EXOC4: variants seen among roughly 807,000 people sequenced by gnomAD.
EXOC4 encodes the protein SEC8-like 1.
Under a neutral mutation model 107.2 loss-of-function variants are expected in EXOC4, and 71 were observed. That is an observed-to-expected ratio of 0.66 (90% CI 0.55 to 0.81). The LOEUF is 0.81. EXOC4 is among the 30% of genes least tolerant of loss of function. EXOC4 has a pLI of 0.00. For synonymous variants in EXOC4, 456 were observed against 441.2 expected (o/e 1.03, Z -0.42); for missense variants, 1,108 against 1,189.6 (o/e 0.93, Z 1.01).
In EXOC4 at chr7:133,857,147, CGTAT is replaced by C. The variant is rs1396446949; in HGVS notation, c.1735-38451_1735-38448del. On this transcript the variant is annotated intron_variant, in intron 11 of 17. Coordinates refer to ENST00000253861, the MANE Select transcript of EXOC4 (RefSeq NM_021807.4). ...ATATGTATATATATATACACATACA[CGTAT>C]ATATATATATATATATATATATATA... Among the ~76,000 whole-genome samples, 46 of 19,104 alleles carry C rather than the reference CGTAT, an allele frequency of 2.4e-3. 4 individuals carry two copies. Among genetic ancestry groups the C allele is most frequent in the South Asian group, 5.0e-3 (3 of 602 alleles). The allele number at this position is 19,104 out of a possible 152,430, so 12.5% of individuals were successfully genotyped here. A position where few individuals can be genotyped will look rare whatever the true frequency, so the allele number is the denominator to read the frequency against.
At chr7:133,444,887 C>G (rs1316798364) in intron 7 of EXOC4, among the ~76,000 whole-genome samples, 2 of 152,160 alleles carry the variant, frequency 1.3e-5, no homozygotes, top group African/African-American at 4.8e-5. Flanking sequence ...TTTAAAGTCA[C>G]AGGACTGGAT....
At chr7:133,279,692 AT>A (rs1306170210) in intron 2 of EXOC4, among the ~76,000 whole-genome samples, 1 of 151,812 alleles carries the variant, frequency 6.6e-6, no homozygotes, top group South Asian at 2.1e-4. Context: ...CTAATATTTG[AT>A]TTTTTTGCAG....
intron 13 of EXOC4, among the ~76,000 whole-genome samples, chr7:133,926,661 T>A (rs1335380418): frequency 6.6e-6 from 1 of 152,120 alleles, no homozygotes; most frequent in African/African-American, 2.4e-5. Context: ...ATAATAATCG[T>A]TGTTGAAGAT....
chr7:133,475,441 G>A lies in EXOC4; in HGVS notation c.1296G>A (p.Lys432=). 6.2e-7 allele frequency: 1 copy of A among 1,613,978 alleles called. No homozygotes were observed. Among genetic ancestry groups the A allele is most frequent in the Non-Finnish European group, 8.5e-7 (1 of 1,179,950 alleles). Reference sequence around the variant, plus strand: ...AGTTTGCAGCCTTTTTTGCCAAGAAGAAACCTCAAAGGCCAAAAAATTCTC... The same window carrying A: ...AGTTTGCAGCCTTTTTTGCCAAGAAAAAACCTCAAAGGCCAAAAAATTCTC... The part of the protein sequence containing the change: ...GREFAAFFAK[K]KPQRPKNSLF... The change falls in exon 8 of 18, where the codon AAG becomes AAA. Residue 432 remains lysine, a synonymous_variant. Transcript: ENST00000253861.
intron 6 of EXOC4, among the ~76,000 whole-genome samples, chr7:133,357,188 T>A (rs1296433216): frequency 6.6e-6 from 1 of 152,236 alleles, no homozygotes; most frequent in Non-Finnish European, 1.5e-5. Context: ...GCAGCTATTG[T>A]ACACATACTA....
intron 1 of EXOC4, among the ~76,000 whole-genome samples, chr7:133,269,447 T>C (rs1375333475): frequency 2.6e-5 from 4 of 152,200 alleles, no homozygotes; most frequent in Non-Finnish European, 5.9e-5. Context: ...GATAATATTT[T>C]ATTATACTAG....
intron 5 of EXOC4, among the ~76,000 whole-genome samples, chr7:133,330,881 G>A (rs1584819880): frequency 6.6e-6 from 1 of 151,722 alleles, no homozygotes; most frequent in South Asian, 2.1e-4. Flanking sequence ...GCTGCAAACC[G>A]GAGCTGTTCC....
At chr7:134,076,739 GAAC>G in the EXOC4 span, among the ~76,000 whole-genome samples, 3 of 149,524 alleles carry the variant, frequency 2.0e-5, no homozygotes, top group African/African-American at 7.4e-5. Flanking sequence ...CTCAATAAAT[GAAC>G]AACAAATATT....
At chr7:133,544,629 C>A (rs1238913850) in intron 9 of EXOC4, among the ~76,000 whole-genome samples, 1 of 152,060 alleles carries the variant, frequency 6.6e-6, no homozygotes, top group African/African-American at 2.4e-5. Context: ...GTCATACTGT[C>A]ATTTTTTTCT....
At chr7:133,907,172 C>A (rs1799585668) in intron 12 of EXOC4, among the ~76,000 whole-genome samples, 2 of 152,144 alleles carry the variant, frequency 1.3e-5, no homozygotes, top group South Asian at 2.1e-4. Flanking sequence ...ATATTCATTT[C>A]TATTAAACAT....
In EXOC4 at chr7:134,064,801, G is replaced by A. The variant is rs957174972; in HGVS notation, c.*273G>A. Reference sequence around the variant, plus strand: ...GGAGGAAGGTGGTATCAAATTGTTGGACTCTGAAAAACAAGTGGATGGATT... The same window carrying A: ...GGAGGAAGGTGGTATCAAATTGTTGAACTCTGAAAAACAAGTGGATGGATT... On this transcript the variant is annotated 3_prime_UTR_variant, in exon 18 of 18. Coordinates refer to ENST00000253861, the MANE Select transcript of EXOC4 (RefSeq NM_021807.4). The A allele has an allele frequency of 4.3e-6, 1 of 232,920 alleles. No homozygotes were observed. Among genetic ancestry groups the A allele is most frequent in the Non-Finnish European group, 8.3e-6 (1 of 120,990 alleles). The allele number at this position is 232,920 out of a possible 1,614,324, so 14.4% of individuals were successfully genotyped here. A position where few individuals can be genotyped will look rare whatever the true frequency, so the allele number is the denominator to read the frequency against.
chr7:133,642,839 G>A (rs908337748), intron 10 of EXOC4, among the ~76,000 whole-genome samples: 1 of 152,068 alleles, frequency 6.6e-6, no homozygotes, highest in African/African-American at 2.4e-5. Context: ...TTCCAGGTCT[G>A]TCATGCTATT....
intron 9 of EXOC4, among the ~76,000 whole-genome samples, chr7:133,605,398 C>T (rs908800568): frequency 2.6e-5 from 4 of 152,124 alleles, no homozygotes; most frequent in Non-Finnish European, 5.9e-5. Flanking sequence ...CATTAATAGT[C>T]ACTCTGCATC....
chr7:133,990,268 T>G (rs1484993150), intron 14 of EXOC4, among the ~76,000 whole-genome samples: 2 of 110,202 alleles, frequency 1.8e-5, no homozygotes, highest in Non-Finnish European at 1.8e-5. Context: ...AACTTTCCCC[T>G]CCCCCCCCCA....
intron 10 of EXOC4, among the ~76,000 whole-genome samples, chr7:133,723,768 G>A (rs1585103550): frequency 6.6e-6 from 1 of 152,244 alleles, no homozygotes; most frequent in East Asian, 1.9e-4. Context: ...TGGGACTACA[G>A]GCGTGAGTCA....
chr7:133,504,181 T>C (rs1441571245), intron 9 of EXOC4, among the ~76,000 whole-genome samples: 2 of 152,164 alleles, frequency 1.3e-5, no homozygotes, highest in Admixed American at 1.3e-4. Flanking sequence ...AACCTATATT[T>C]AAATGCTTAG....
chr7:133,558,822 C>A (rs1318667376), intron 9 of EXOC4, among the ~76,000 whole-genome samples: 6 of 152,136 alleles, frequency 3.9e-5, no homozygotes, highest in Admixed American at 3.9e-4. Context: ...CTACTGATGA[C>A]TGCTTCCAAG....
At chr7:133,603,223 A>G (rs1439855833) in intron 9 of EXOC4, among the ~76,000 whole-genome samples, 1 of 152,122 alleles carries the variant, frequency 6.6e-6, no homozygotes, top group Non-Finnish European at 1.5e-5. Flanking sequence ...AGAGCACTGT[A>G]TTTTAGACTC....
intron 2 of EXOC4, among the ~76,000 whole-genome samples, chr7:133,283,751 G>A (rs574424323): frequency 1.5e-4 from 23 of 152,198 alleles, no homozygotes; most frequent in Non-Finnish European, 2.6e-4. Flanking sequence ...GCCTTTTTGC[G>A]GTCAGTTCTC....
Sources: allele counts gnomAD v4.1 joint callset (sites outside exome capture counted in the v4.1 genomes callset), GRCh38; gene constraint gnomAD v4.1.1; transcripts MANE v1.5; gene names NCBI Gene and HGNC (gene_info 2026-07-23, HGNC 2026-07-21).